ITPKB: variants seen among roughly 807,000 people sequenced by gnomAD.
The protein encoded by ITPKB is inositol-trisphosphate 3-kinase B.
Under a neutral mutation model 69.4 loss-of-function variants are expected in ITPKB, and 13 were observed. That is an observed-to-expected ratio of 0.19 (90% CI 0.12 to 0.30). ITPKB has a LOEUF of 0.30. ITPKB is among the 10% of genes least tolerant of loss of function. The pLI, the probability that ITPKB is intolerant of heterozygous loss-of-function variation, is 1.00. For missense variants in ITPKB, 1,240 were observed against 1,250.5 expected, an observed-to-expected ratio of 0.99 and a Z score of 0.13; for synonymous variants, 584 against 513.7, an observed-to-expected ratio of 1.14 and a Z score of -1.85.
At chr1:226,645,410 G>A (rs1026277617) in intron 4 of ITPKB, among the ~76,000 whole-genome samples, 1 of 152,222 alleles carries the variant, frequency 6.6e-6, no homozygotes, top group Non-Finnish European at 1.5e-5. Flanking sequence ...GCGGCTGGGT[G>A]GGGGCAGCCC....
In ITPKB at chr1:226,736,182, G is replaced by C; in HGVS notation, c.1277C>G (p.Ala426Gly). ...RALASVGPEE[A>G]RSGAPVGGGR... is the part of the protein sequence containing the mutation. Reference sequence around the variant, plus strand: ...CCCGCCCACGGGGGCCCCACTTCGGGCCTCCTCAGGGCCTACGGAGGCCAG... The same window carrying C: ...CCCGCCCACGGGGGCCCCACTTCGGCCCTCCTCAGGGCCTACGGAGGCCAG... The change falls in exon 2 of 8, where the codon GCC becomes GGC. Residue 426 changes from alanine (A) to glycine (G), a missense_variant. Coordinates refer to ENST00000429204, the MANE Select transcript of ITPKB (RefSeq NM_002221.4). The C allele has an allele frequency of 1.9e-6, 3 of 1,548,636 alleles. No individual in the cohort carries two copies. Among genetic ancestry groups the C allele is most frequent in the Non-Finnish European group, 2.6e-6 (3 of 1,148,396 alleles).
At chr1:226,670,966 A>G (rs1669604160) in intron 2 of ITPKB, among the ~76,000 whole-genome samples, 1 of 152,212 alleles carries the variant, frequency 6.6e-6, no homozygotes, top group African/African-American at 2.4e-5. Context: ...CAGAACACCA[A>G]ATAAACAAGT....
Position 226,632,489 on chromosome 1 carries a change from G to C in ITPKB, c.*2182C>G, listed in dbSNP as rs772211123. On this transcript the variant is annotated 3_prime_UTR_variant, in exon 8 of 8. Transcript: ENST00000429204. ...TGAGAGACAGAGTAGGTGTAGAAGAGAACTAGCACGGTAAATACAAAAAAA... is the reference window on the plus strand; with the variant it reads ...TGAGAGACAGAGTAGGTGTAGAAGACAACTAGCACGGTAAATACAAAAAAA... The C allele has an allele frequency of 2.7e-5, 4 of 150,796 alleles. No homozygotes were observed. Among genetic ancestry groups the C allele is most frequent in the Non-Finnish European group, 4.4e-5 (3 of 67,716 alleles). The allele number at this position is 150,796 out of a possible 1,614,324, so 9.3% of individuals were successfully genotyped here. A position where few individuals can be genotyped will look rare whatever the true frequency, so the allele number is the denominator to read the frequency against.
At chr1:226,650,195 GCCT>G (rs772485948) in intron 2 of ITPKB, among the ~76,000 whole-genome samples, 1 of 152,208 alleles carries the variant, frequency 6.6e-6, no homozygotes, top group Admixed American at 6.5e-5. Flanking sequence ...GGTGAAATCG[GCCT>G]CCTTTGTTTT....
At chr1:226,650,194 G>A (rs1478937664) in intron 2 of ITPKB, among the ~76,000 whole-genome samples, 2 of 152,202 alleles carry the variant, frequency 1.3e-5, no homozygotes, top group African/African-American at 4.8e-5. Context: ...AGGTGAAATC[G>A]GCCTCCTTTG....
intron 6 of ITPKB, among the ~76,000 whole-genome samples, chr1:226,638,643 G>A (rs1348014625): frequency 2.0e-5 from 3 of 152,214 alleles, no homozygotes; most frequent in East Asian, 1.9e-4. Context: ...TCTGCGAGCC[G>A]CTGCAGCAGC....
chr1:226,650,829 C>T (rs572146799), intron 2 of ITPKB, among the ~76,000 whole-genome samples: 17 of 152,186 alleles, frequency 1.1e-4, no homozygotes, highest in Admixed American at 5.9e-4. Flanking sequence ...CTCCTGGGGC[C>T]TCAGTTTCCT....
At chr1:226,714,135 G>C (rs1166317765) in intron 2 of ITPKB, among the ~76,000 whole-genome samples, 2 of 152,116 alleles carry the variant, frequency 1.3e-5, no homozygotes, top group Non-Finnish European at 1.5e-5. Context: ...AGTTCTCCTG[G>C]GCACATGGTA....
At chr1:226,735,483 T>C in intron 2 of ITPKB, 44 bp downstream of exon 2, 2 of 1,458,254 alleles carry the variant, frequency 1.4e-6, no homozygotes, top group African/African-American at 2.8e-5. Context: ...AAAAGTCTGC[T>C]GAAATCAGCA....
rs1440063222 is a variant in ITPKB, at chr1:226,633,861, A to G, written c.*810T>C. The G allele has an allele frequency of 1.3e-5, 2 of 152,178 alleles. No homozygotes were observed. Among genetic ancestry groups the G allele is most frequent in the African/African-American group, 4.8e-5 (2 of 41,440 alleles). The allele number at this position is 152,178 out of a possible 1,614,324, so 9.4% of individuals were successfully genotyped here. On this transcript the variant is annotated 3_prime_UTR_variant, in exon 8 of 8. Transcript: ENST00000429204. ...AGGGCCCAGAGACTCTATAGATCCC[A>G]TCTTCCCCTGGTAGCACCCTTGGAG...
intron 2 of ITPKB, among the ~76,000 whole-genome samples, chr1:226,705,437 G>A (rs1656776931): frequency 6.6e-6 from 1 of 151,546 alleles, no homozygotes; most frequent in South Asian, 2.1e-4. Context: ...GCTGAAGCAG[G>A]AGAATCACTT....
chr1:226,652,663 A>G (rs965515030), intron 2 of ITPKB, among the ~76,000 whole-genome samples: 3 of 152,200 alleles, frequency 2.0e-5, no homozygotes, highest in Non-Finnish European at 2.9e-5. Context: ...GTGGTGTGGC[A>G]AAGGGTACCT....
intron 2 of ITPKB, among the ~76,000 whole-genome samples, chr1:226,722,934 C>G (rs1657288788): frequency 6.6e-6 from 1 of 152,304 alleles, no homozygotes; most frequent in Admixed American, 6.5e-5. Context: ...AGGCTACCTG[C>G]TCCCCCTGCC....
rs1294945340 is a variant in ITPKB, at chr1:226,641,588, GA to G, written c.2451+332del. On this transcript the variant is annotated intron_variant, in intron 5 of 7. Transcript: ENST00000429204. This position sits in a 1 kb window ranked among gnomAD's most constrained non-coding sequence, Gnocchi z 4.6. ...CCAGTCCCAGTTTGCAGCCATGGCA[GA>G]ATGAACCAGCTACCCCACAGGCATC... Among the ~76,000 whole-genome samples, 1 of 152,248 alleles carries G rather than the reference GA, an allele frequency of 6.6e-6. No individual in the cohort carries two copies. Among genetic ancestry groups the G allele is most frequent in the African/African-American group, 2.4e-5 (1 of 41,460 alleles).
In ITPKB at chr1:226,735,653, C is replaced by A; in HGVS notation, c.1806G>T (p.Ser602=). ...ATGAGGAGAAGCCCGTGGAGGAGGC[C>A]GAGGAAGAGGACAGTTTCCTCAGGG... The part of the protein sequence containing the change: ...NLPLRKLSSS[S]ASSTGFSSSY... The change falls in exon 2 of 8, where the codon TCG becomes TCT. Residue 602 remains serine, a synonymous_variant. Coordinates refer to ENST00000429204, the MANE Select transcript of ITPKB (RefSeq NM_002221.4). 2 of 1,611,842 alleles carry A rather than the reference C, an allele frequency of 1.2e-6. No individual in the cohort carries two copies. Among genetic ancestry groups the A allele is most frequent in the Non-Finnish European group, 1.7e-6 (2 of 1,178,790 alleles).
chr1:226,686,931 G>T (rs774018100), intron 2 of ITPKB, among the ~76,000 whole-genome samples: 1 of 152,182 alleles, frequency 6.6e-6, no homozygotes, highest in Non-Finnish European at 1.5e-5. Flanking sequence ...ATTGCCAAGA[G>T]GATTTGACTG....
At chr1:226,689,944 T>A (rs1010082153) in intron 2 of ITPKB, among the ~76,000 whole-genome samples, 7 of 152,300 alleles carry the variant, frequency 4.6e-5, no homozygotes, top group Admixed American at 2.6e-4. Context: ...AAGGACATGA[T>A]CTCATTCCTT....
chr1:226,641,877 G>C lies in ITPKB; in HGVS notation c.2451+44C>G. The C allele has an allele frequency of 6.4e-7, 1 of 1,559,432 alleles. No individual in the cohort carries two copies. Among genetic ancestry groups the C allele is most frequent in the Non-Finnish European group, 8.8e-7 (1 of 1,138,458 alleles). On this transcript the variant is annotated intron_variant, in intron 5 of 7. Coordinates refer to ENST00000429204, the MANE Select transcript of ITPKB (RefSeq NM_002221.4). The surrounding 1 kb of genome is among the most constrained non-coding windows in gnomAD (Gnocchi z 4.6). ...TGAGAGAAGCCAAGCCCCCTGAGGT[G>C]GGCACGGGTGGGGCCCGAGGCTGCC...
At chr1:226,652,409 C>T (rs1669212229) in intron 2 of ITPKB, among the ~76,000 whole-genome samples, 1 of 152,354 alleles carries the variant, frequency 6.6e-6, no homozygotes, top group South Asian at 2.1e-4. Flanking sequence ...CAGAAATGGA[C>T]TCCAGGCCTC....
Sources: gnomAD v4.1 joint callset for allele counts (sites outside exome capture counted in the v4.1 genomes callset) on GRCh38, gnomAD v4.1.1 for gene constraint, Gnocchi (gnomAD v3.1) non-coding constraint, MANE v1.5 for transcripts, NCBI Gene and HGNC (gene_info 2026-07-23, HGNC 2026-07-21) for gene names.